Variants in FGGY observed in about 807,000 individuals in gnomAD.
The protein encoded by FGGY is FGGY carbohydrate kinase domain containing, also known as FGGY carbohydrate kinase domain-containing protein.
Under a neutral mutation model 71.3 loss-of-function variants are expected in FGGY, and 72 were observed. The observed-to-expected ratio is 1.01, with a 90% CI of 0.84 to 1.23. The LOEUF (loss-of-function observed/expected upper bound fraction) is 1.23. FGGY is among the 50% of genes most tolerant of loss of function. The pLI is 0.00. For synonymous variants in FGGY, 251 were observed against 250.3 expected, an observed-to-expected ratio of 1.00 and a Z score of -0.02; for missense variants, 668 against 682.3, an observed-to-expected ratio of 0.98 and a Z score of 0.23.
At chr1:59,653,447 G>A (rs1381454731) in intron 11 of FGGY, among the ~76,000 whole-genome samples, 1 of 152,180 alleles carries the variant, frequency 6.6e-6, no homozygotes, top group African/African-American at 2.4e-5. Context: ...GTGGGATATA[G>A]TCTCGTGGTT....
intron 1 of FGGY, among the ~76,000 whole-genome samples, chr1:59,319,682 G>A (rs2046047629): frequency 6.6e-6 from 1 of 152,164 alleles, no homozygotes; most frequent in Non-Finnish European, 1.5e-5. Flanking sequence ...GCAATTGAGA[G>A]CTTATGAGGA....
intron 2 of FGGY, among the ~76,000 whole-genome samples, chr1:59,334,343 C>T (rs184690231): frequency 1.3e-5 from 2 of 152,112 alleles, no homozygotes; most frequent in East Asian, 1.9e-4. Flanking sequence ...GGGGTTTCAT[C>T]GTGTTGGCCA....
intron 14 of FGGY, among the ~76,000 whole-genome samples, chr1:59,689,000 T>A (rs2097567879): frequency 6.6e-6 from 1 of 152,158 alleles, no homozygotes. Context: ...TCTGCCCACC[T>A]CGGCCTCCCA....
At position 59,297,816 on chromosome 1, in the gene FGGY, GAAA is replaced by G. The variant is rs35768218; in HGVS notation, c.-15+680_-15+682del. 3.0e-5 allele frequency among the ~76,000 whole-genome samples: 4 copies of G among 135,052 alleles called. No individual in the cohort carries two copies. The South Asian group carries it at 7.2e-4, about 24-fold the overall frequency. The allele number at this position is 135,052 out of a possible 152,430, so 88.6% of individuals were successfully genotyped here. ...CCAGCCTGGGGGACAGAGCGTCTCA[GAAA>G]AAAAAAAAAAAAATTGACAAGGTGC... On this transcript the variant is annotated intron_variant, in intron 1 of 15. Coordinates refer to ENST00000303721, the MANE Select transcript of FGGY (RefSeq NM_018291.5).
intron 14 of FGGY, among the ~76,000 whole-genome samples, chr1:59,740,643 A>G (rs959640062): frequency 3.3e-5 from 5 of 152,254 alleles, no homozygotes; most frequent in Non-Finnish European, 7.3e-5. Flanking sequence ...ATCCAGATAC[A>G]GTCTTTTTCT....
chr1:59,405,953 G>A (rs10493263), intron 5 of FGGY, among the ~76,000 whole-genome samples: 5,557 of 150,478 alleles, frequency 0.037, 308 homozygotes, highest in African/African-American at 0.13. Context: ...GATATTTAGA[G>A]TCCTCTTCCC....
intron 14 of FGGY, among the ~76,000 whole-genome samples, chr1:59,731,736 CT>C (rs1036886363): frequency 6.6e-6 from 1 of 152,052 alleles, no homozygotes; most frequent in African/African-American, 2.4e-5. Flanking sequence ...GGAGGGATTT[CT>C]GGATTGGATA....
intron 5 of FGGY, among the ~76,000 whole-genome samples, chr1:59,438,377 A>G (rs1002007340): frequency 5.9e-5 from 9 of 152,196 alleles, no homozygotes; most frequent in African/African-American, 1.2e-4. Context: ...CTTTGTTTCA[A>G]TATACAACCC....
At chr1:59,673,811 T>C (rs1360204881) in intron 13 of FGGY, 3 of 495,558 alleles carry the variant, frequency 6.1e-6, no homozygotes, top group Non-Finnish European at 1.1e-5. Flanking sequence ...TTGATATATA[T>C]GGTGTTGGTT....
At chr1:59,305,042 C>G (rs1240692962) in intron 1 of FGGY, among the ~76,000 whole-genome samples, 1 of 152,054 alleles carries the variant, frequency 6.6e-6, no homozygotes, top group East Asian at 1.9e-4. Flanking sequence ...AATCTGGATG[C>G]CTTTCATTTA....
intron 7 of FGGY, among the ~76,000 whole-genome samples, chr1:59,547,314 T>C (rs2095541920): frequency 6.6e-6 from 1 of 152,090 alleles, no homozygotes; most frequent in Non-Finnish European, 1.5e-5. Context: ...TGGGTTTGCT[T>C]TAGTGGCATT....
At chr1:59,569,046 G>A (rs978387178) in intron 8 of FGGY, among the ~76,000 whole-genome samples, 1 of 152,020 alleles carries the variant, frequency 6.6e-6, no homozygotes, top group African/African-American at 2.4e-5. Context: ...AGGAATTTGG[G>A]GACAACAGTT....
chr1:59,332,199 C>T (rs1477396357), intron 2 of FGGY, among the ~76,000 whole-genome samples: 1 of 152,112 alleles, frequency 6.6e-6, no homozygotes, highest in Admixed American at 6.6e-5. Flanking sequence ...TTGTTTGCTG[C>T]CCCATAGCTA....
At chr1:59,390,138 G>A (rs187191580) in intron 5 of FGGY, among the ~76,000 whole-genome samples, 19 of 152,206 alleles carry the variant, frequency 1.2e-4, no homozygotes, top group African/African-American at 4.3e-4. Flanking sequence ...TAATAGTGCT[G>A]AGAAATAACC....
At chr1:59,612,367 C>G (rs1219401566) in intron 9 of FGGY, among the ~76,000 whole-genome samples, 1 of 152,184 alleles carries the variant, frequency 6.6e-6, no homozygotes, top group African/African-American at 2.4e-5. Context: ...AAAGAATTTT[C>G]AACCCAGAAT....
chr1:59,573,806 T>C (rs1301396007), intron 8 of FGGY, among the ~76,000 whole-genome samples: 1 of 152,184 alleles, frequency 6.6e-6, no homozygotes, highest in Non-Finnish European at 1.5e-5. Context: ...TATTTTCATC[T>C]TTCCAGTAAT....
At chr1:59,456,446 C>CTTTTTT (rs554474364) in intron 5 of FGGY, among the ~76,000 whole-genome samples, 1 of 133,092 alleles carries the variant, frequency 7.5e-6, no homozygotes, top group Non-Finnish European at 1.6e-5. Context: ...AGGACTGAAA[C>CTTTTTT]TTTTTTTTTT....
intron 5 of FGGY, among the ~76,000 whole-genome samples, chr1:59,455,357 C>A (rs1379987668): frequency 6.6e-6 from 1 of 152,028 alleles, no homozygotes; most frequent in African/African-American, 2.4e-5. Context: ...ATGACTGTTC[C>A]AGGAAGAATG....
rs376744089 is a variant in FGGY, at chr1:59,457,020, G to A, written c.614G>A (p.Ser205Asn). The A allele has an allele frequency of 8.4e-5, 135 of 1,614,132 alleles. 1 individual carries two copies. The Middle Eastern group carries it at 2.1e-3, about 26-fold the overall frequency. ...TYSAEKGWDD[S>N]FWKMIGLEDF... ...TCAGCAGAGAAAGGCTGGGACGACA[G>A]TTTCTGGAAAATGATTGGTTTGGAA... Residue 205 changes from serine (S) to asparagine (N), a missense_variant, in exon 6 of 16, where the codon AGT becomes AAT. Ser to Asn is a conservative substitution (Grantham distance 46). Around this residue, in one of 2 missense-constraint regions of FGGY, gnomAD observed 661 missense variants for 661.6 expected, o/e 1.00. Transcript: ENST00000303721.
Sources: allele counts gnomAD v4.1 joint callset (sites outside exome capture counted in the v4.1 genomes callset), GRCh38; gene constraint gnomAD v4.1.1; regional missense constraint gnomAD v4.1.1; transcripts MANE v1.5; gene names NCBI Gene and HGNC (gene_info 2026-07-23, HGNC 2026-07-21).